PPFIA1: variants seen among roughly 807,000 people sequenced by gnomAD.
The protein encoded by PPFIA1 is liprin-alpha-1.
In PPFIA1, 25 loss-of-function variants were observed where a neutral mutation model predicts 149.9. The ratio of observed to expected loss-of-function variants is 0.17; its 90% CI spans 0.12 to 0.23. The LOEUF is 0.23. PPFIA1 is among the 10% of genes least tolerant of loss of function. The pLI is 1.00. For synonymous variants in PPFIA1, 549 were observed against 552.8 expected (o/e 0.99, Z 0.10); for missense variants, 1,362 against 1,506.5 (o/e 0.90, Z 1.59).
intron 16 of PPFIA1, among the ~76,000 whole-genome samples, chr11:70,348,672 G>A (rs2055865095): frequency 6.6e-6 from 1 of 152,210 alleles, no homozygotes; most frequent in Non-Finnish European, 1.5e-5. Context: ...CTTGAGCCCA[G>A]GAGGTCAAAA....
At chr11:70,279,599 A>G (rs565345252) in intron 2 of PPFIA1, among the ~76,000 whole-genome samples, 2 of 143,052 alleles carry the variant, frequency 1.4e-5, no homozygotes, top group African/African-American at 2.6e-5. Flanking sequence ...TTTGAGATGG[A>G]GTTTCGCTAT....
At chr11:70,296,330 C>G (rs546187619) in intron 2 of PPFIA1, among the ~76,000 whole-genome samples, 28 of 152,164 alleles carry the variant, frequency 1.8e-4, no homozygotes, top group South Asian at 1.5e-3. Flanking sequence ...CCAAGGCAGG[C>G]AGCTGGGAGG....
chr11:70,327,873 G>A (rs574627165), intron 7 of PPFIA1, among the ~76,000 whole-genome samples: 2 of 152,246 alleles, frequency 1.3e-5, no homozygotes, highest in African/African-American at 4.8e-5. Flanking sequence ...TTTGTCCCTT[G>A]TCAGGCGCCT....
At chr11:70,274,029 A>T (rs537431670) in intron 2 of PPFIA1, among the ~76,000 whole-genome samples, 1 of 152,326 alleles carries the variant, frequency 6.6e-6, no homozygotes, top group South Asian at 2.1e-4. Flanking sequence ...GGCACTGCTC[A>T]GTGTAGCAGC....
chr11:70,356,308 G>T, intron 19 of PPFIA1, 54 bp downstream of exon 19: 1 of 1,335,880 alleles, frequency 7.5e-7, no homozygotes, highest in Non-Finnish European at 1.1e-6. Context: ...TTGTGCCTAA[G>T]CTCTAACTAG....
At chr11:70,372,455 A>T (rs1565462341) in intron 22 of PPFIA1, 22 bp from the exon 23 acceptor site, 2 of 1,612,708 alleles carry the variant, frequency 1.2e-6, no homozygotes, top group Non-Finnish European at 1.7e-6. Flanking sequence ...TCTCTAAATC[A>T]TCTCTCTTTT....
chr11:70,309,490 G>C (rs2053113490), intron 2 of PPFIA1, among the ~76,000 whole-genome samples: 1 of 151,870 alleles, frequency 6.6e-6, no homozygotes, highest in Non-Finnish European at 1.5e-5. Context: ...TAATTGTCTT[G>C]CTTGCTTATT....
chr11:70,352,426 T>G (rs566350873), intron 16 of PPFIA1, among the ~76,000 whole-genome samples: 69 of 152,272 alleles, frequency 4.5e-4, no homozygotes, highest in African/African-American at 1.6e-3. Flanking sequence ...TAGCAAGATT[T>G]TCTCAGTGAA....
chr11:70,325,102 T>C, intron 4 of PPFIA1, 91 bp downstream of exon 4: 1 of 1,243,728 alleles, frequency 8.0e-7, no homozygotes, highest in Non-Finnish European at 1.1e-6. Flanking sequence ...TTTTTGAAGC[T>C]TCTTGAATTC....
At chr11:70,360,920 TTCTC>T (rs1402643604) in intron 19 of PPFIA1, among the ~76,000 whole-genome samples, 1 of 152,240 alleles carries the variant, frequency 6.6e-6, no homozygotes, top group African/African-American at 2.4e-5. Flanking sequence ...CAATGACACC[TTCTC>T]TCTGAGACTT....
rs2057424514 is a variant in PPFIA1, at chr11:70,375,016, G to A, written c.3238G>A (p.Ala1080Thr). 6.2e-7 allele frequency: 1 copy of A among 1,613,760 alleles called. No homozygotes were observed. Among genetic ancestry groups the A allele is most frequent in the Admixed American group, 1.7e-5 (1 of 59,904 alleles). ...NNLIESGVHGALLALDETFDF... is the reference protein window; with the variant it reads ...NNLIESGVHGTLLALDETFDF... ...TCTTATAGAGAGTGGTGTTCACGGA[G>A]CACTTCTGGCCTTAGATGAAACCTT... Residue 1080 changes from alanine (A) to threonine (T), a missense_variant, in exon 24 of 28, where the codon GCA becomes ACA. Ala to Thr is a moderately conservative substitution (Grantham distance 58, BLOSUM62 0). Around this residue, in one of 7 missense-constraint regions of PPFIA1, gnomAD observed 349 missense variants for 373.3 expected, o/e 0.93. Transcript: ENST00000253925.
At chr11:70,354,169 A>T in intron 16 of PPFIA1, 132 bp from the exon 17 acceptor site, 2 of 956,334 alleles carry the variant, frequency 2.1e-6, no homozygotes, top group Non-Finnish European at 3.1e-6. Flanking sequence ...ATGGTGCCAG[A>T]CTGAAACAAG....
chr11:70,361,469 A>T (rs907370313), intron 19 of PPFIA1, among the ~76,000 whole-genome samples: 2 of 152,102 alleles, frequency 1.3e-5, no homozygotes, highest in Non-Finnish European at 2.9e-5. Context: ...TTTGATCTGC[A>T]GTTGGTTGAC....
At chr11:70,301,426 C>T (rs2052481526) in intron 2 of PPFIA1, among the ~76,000 whole-genome samples, 1 of 152,194 alleles carries the variant, frequency 6.6e-6, no homozygotes, top group Non-Finnish European at 1.5e-5. Flanking sequence ...CACTTACTAG[C>T]TGAGTGACCT....
chr11:70,355,424 G>T (rs2056306852), intron 17 of PPFIA1, among the ~76,000 whole-genome samples: 1 of 152,172 alleles, frequency 6.6e-6, no homozygotes, highest in South Asian at 2.1e-4. Flanking sequence ...CTCCCCTGAA[G>T]GGGAGGGGAG....
chr11:70,286,396 C>T (rs1371779589), intron 2 of PPFIA1, among the ~76,000 whole-genome samples: 1 of 152,084 alleles, frequency 6.6e-6, no homozygotes, highest in Non-Finnish European at 1.5e-5. Context: ...GGACTACAGG[C>T]ACATGCCACC....
At chr11:70,344,192 G>C (rs1449431246) in intron 15 of PPFIA1, among the ~76,000 whole-genome samples, 1 of 152,222 alleles carries the variant, frequency 6.6e-6, no homozygotes, top group Non-Finnish European at 1.5e-5. Flanking sequence ...TGCTGAAGGG[G>C]CTCAGCCCAG....
intron 2 of PPFIA1, among the ~76,000 whole-genome samples, chr11:70,274,812 A>G (rs2050290206): frequency 6.6e-6 from 1 of 151,812 alleles, no homozygotes; most frequent in Non-Finnish European, 1.5e-5. Context: ...TCCACCTCCC[A>G]GGTTGAAGCG....
At chr11:70,291,263 A>T (rs146545961) in intron 2 of PPFIA1, among the ~76,000 whole-genome samples, 79 of 152,370 alleles carry the variant, frequency 5.2e-4, no homozygotes, top group Non-Finnish European at 9.6e-4. Flanking sequence ...TGGGGGAAAC[A>T]TGAATGACAG....
Sources: gnomAD v4.1 joint callset for allele counts (sites outside exome capture counted in the v4.1 genomes callset) on GRCh38, gnomAD v4.1.1 for gene constraint, gnomAD v4.1.1 regional missense constraint, MANE v1.5 for transcripts, NCBI Gene and HGNC (gene_info 2026-07-23, HGNC 2026-07-21) for gene names.